NEDD4: variants seen among roughly 807,000 people sequenced by gnomAD.
NEDD4 encodes E3 ubiquitin-protein ligase NEDD4.
In NEDD4, 99 loss-of-function variants were observed where a neutral mutation model predicts 144.9. That is an observed-to-expected ratio of 0.68 (90% CI 0.58 to 0.81). NEDD4 has a LOEUF of 0.81. NEDD4 is among the 30% of genes least tolerant of loss of function. The pLI, the probability that NEDD4 is intolerant of heterozygous loss-of-function variation, is 0.00. For synonymous variants in NEDD4, 318 were observed against 350.6 expected (o/e 0.91, Z 1.04); for missense variants, 985 against 1,065.9 (o/e 0.92, Z 1.06).
chr15:55,852,273 CGA>C lies in NEDD4; in HGVS notation c.1146+149_1146+150del, dbSNP rs562148118. The C allele has an allele frequency of 1.1e-3, 901 of 822,988 alleles. 8 individuals carry two copies. The African/African-American group carries it at 0.015, about 14-fold the overall frequency. 51.0% of individuals were successfully genotyped at this position (822,988 alleles called of 1,614,324 possible). ...TCACGCCATTGGACTCCAGCCTGGG[CGA>C]CAATACTGAGACTCCATCTCAAAAA... is the stretch of plus-strand genomic sequence containing the variant. On this transcript the variant is annotated intron_variant, in intron 13 of 28. Coordinates refer to ENST00000435532, the MANE Select transcript of NEDD4 (RefSeq NM_006154.4).
chr15:55,852,749 A>G lies in NEDD4; in HGVS notation c.1027-206T>C, dbSNP rs1056582665. 2.0e-5 allele frequency among the ~76,000 whole-genome samples: 3 copies of G among 150,174 alleles called. No homozygotes were observed. The East Asian group carries it at 5.8e-4, about 29-fold the overall frequency. On this transcript the variant is annotated intron_variant, in intron 12 of 28. Coordinates refer to ENST00000435532, the MANE Select transcript of NEDD4 (RefSeq NM_006154.4). ...TTTACCTTTTCTGAGAGAGTGAGAG[A>G]GAGAGAGAGAGACAGAGAGAGACAG...
At chr15:55,893,443 A>C (rs1240030608) in intron 5 of NEDD4, among the ~76,000 whole-genome samples, 1 of 152,018 alleles carries the variant, frequency 6.6e-6, no homozygotes, top group Admixed American at 6.6e-5. Flanking sequence ...ATCACAAAAG[A>C]CCAGAATACA....
chr15:55,914,296 T>G (rs755219359), intron 5 of NEDD4, among the ~76,000 whole-genome samples: 2 of 151,868 alleles, frequency 1.3e-5, no homozygotes, highest in Non-Finnish European at 2.9e-5. Flanking sequence ...TACTGTCATG[T>G]AAAATTGCTT....
chr15:55,991,962 C>G (rs1490116504), intron 1 of NEDD4: 1 of 152,218 alleles, frequency 6.6e-6, no homozygotes, highest in Non-Finnish European at 1.5e-5. Context: ...ACTGGCTCTG[C>G]TGGAAGGCGG....
rs1178511550 is a variant in NEDD4, at chr15:55,829,382, T to C, written c.*515A>G. The C allele has an allele frequency of 6.6e-6, 1 of 152,650 alleles. No individual in the cohort carries two copies. The highest frequency in any genetic ancestry group is 1.5e-5 in the Non-Finnish European group (1 of 68,122). 9.5% of individuals were successfully genotyped at this position (152,650 alleles called of 1,614,324 possible). On this transcript the variant is annotated 3_prime_UTR_variant, in exon 29 of 29. Transcript: ENST00000435532. ...TGCATAAGGCAGGTCTACAAAATAA[T>C]AAATAGCTGCGAGTAGCACTAAATA...
At chr15:55,929,097 G>C (rs1343737881) in intron 4 of NEDD4, among the ~76,000 whole-genome samples, 11 of 152,146 alleles carry the variant, frequency 7.2e-5, no homozygotes, top group Non-Finnish European at 5.9e-5. Flanking sequence ...AGCAGGGATG[G>C]AAGTGATGAT....
Position 55,983,287 on chromosome 15 carries a change from T to C in NEDD4, c.45+10224A>G, listed in dbSNP as rs969833670. 2.9e-4 allele frequency among the ~76,000 whole-genome samples: 42 copies of C among 145,900 alleles called. 1 individual carries two copies. The highest frequency in any genetic ancestry group is 3.0e-5 in the Non-Finnish European group (2 of 66,022). On this transcript the variant is annotated intron_variant, in intron 1 of 28. Transcript: ENST00000435532. ...ATAATGTTGATGATGACGACAATGGTGTGTGTGTGTGTGCGTGCGCGCGCG... is the reference window on the plus strand; with the variant it reads ...ATAATGTTGATGATGACGACAATGGCGTGTGTGTGTGTGCGTGCGCGCGCG...
chr15:55,961,940 G>T (rs71476757), intron 2 of NEDD4, among the ~76,000 whole-genome samples: 1,812 of 152,186 alleles, frequency 0.012, 21 homozygotes, highest in Non-Finnish European at 0.015. Context: ...TTATGTTTTT[G>T]ATTTTTTTAT....
chr15:55,950,620 T>A (rs1872631364), intron 4 of NEDD4, among the ~76,000 whole-genome samples: 1 of 152,128 alleles, frequency 6.6e-6, no homozygotes, highest in African/African-American at 2.4e-5. Context: ...CAGTTTCATT[T>A]GAGTGATGGG....
rs1483116039 is a variant in NEDD4, at chr15:55,848,803, T to TA, written c.1428+2dup. 1.9e-6 allele frequency: 3 copies of TA among 1,612,512 alleles called. No individual in the cohort carries two copies. The highest frequency in any genetic ancestry group is 1.7e-6 in the Non-Finnish European group (2 of 1,178,746). On this transcript the variant is annotated splice_region_variant and intron_variant, in intron 15 of 28. Transcript: ENST00000435532. ...AGATGGGTTAGCATTTCTATACACTTACAGGTAAAGGCCCTAGATCATTGG... is the reference window on the plus strand; with the variant it reads ...AGATGGGTTAGCATTTCTATACACTTAACAGGTAAAGGCCCTAGATCATTGG...
chr15:55,963,128 C>CTTTTTTTTTTTTTT (rs754905603), intron 2 of NEDD4, among the ~76,000 whole-genome samples: 1 of 142,656 alleles, frequency 7.0e-6, no homozygotes. Flanking sequence ...TTCTGGCACT[C>CTTTTTTTTTTTTTT]TTTTTTATTT....
At chr15:55,856,486 GTT>G (rs2142021905) in intron 11 of NEDD4, among the ~76,000 whole-genome samples, 1 of 152,260 alleles carries the variant, frequency 6.6e-6, no homozygotes, top group East Asian at 1.9e-4. Flanking sequence ...TTAGTTACTA[GTT>G]TTATTGTTGT....
At chr15:55,970,290 C>T (rs2037585627) in intron 1 of NEDD4, among the ~76,000 whole-genome samples, 1 of 152,084 alleles carries the variant, frequency 6.6e-6, no homozygotes, top group African/African-American at 2.4e-5. Flanking sequence ...TAATCCCAGG[C>T]CCCAACTCCT....
intron 5 of NEDD4, among the ~76,000 whole-genome samples, chr15:55,902,744 T>C (rs893799112): frequency 1.3e-5 from 2 of 152,096 alleles, no homozygotes; most frequent in Admixed American, 6.6e-5. Context: ...AACAATGTTA[T>C]AGGAGGCAGA....
chr15:55,869,890 A>ATAAATCG (rs2034720139), intron 7 of NEDD4, among the ~76,000 whole-genome samples: 1 of 30,470 alleles, frequency 3.3e-5, no homozygotes, highest in African/African-American at 7.6e-5. Context: ...TAAATAAATA[A>ATAAATCG]ATAATTGTTA....
chr15:55,985,922 A>C (rs1056243532), intron 1 of NEDD4, among the ~76,000 whole-genome samples: 1 of 152,186 alleles, frequency 6.6e-6, no homozygotes, highest in African/African-American at 2.4e-5. Context: ...CTGATTGTAG[A>C]TAGCTGAGCC....
intron 1 of NEDD4, among the ~76,000 whole-genome samples, chr15:55,978,330 T>C (rs1299282757): frequency 6.6e-6 from 1 of 152,222 alleles, no homozygotes; most frequent in Non-Finnish European, 1.5e-5. Flanking sequence ...GCTATACTGA[T>C]TAAAAACTTC....
intron 1 of NEDD4, among the ~76,000 whole-genome samples, chr15:55,982,194 G>A (rs1217665726): frequency 1.3e-5 from 2 of 152,136 alleles, no homozygotes; most frequent in Admixed American, 6.5e-5. Flanking sequence ...TGGTACAATC[G>A]TGTTGGGAGA....
intron 21 of NEDD4, among the ~76,000 whole-genome samples, chr15:55,838,939 ACCTAACT>A (rs1407210122): frequency 1.3e-5 from 2 of 152,092 alleles, no homozygotes; most frequent in Non-Finnish European, 2.9e-5. Context: ...TTCAGATAAA[ACCTAACT>A]TCTCTGGATA....
Sources: gnomAD v4.1 joint callset for allele counts (sites outside exome capture counted in the v4.1 genomes callset) on GRCh38, gnomAD v4.1.1 for gene constraint, MANE v1.5 for transcripts, NCBI Gene and HGNC (gene_info 2026-07-23, HGNC 2026-07-21) for gene names.